The following DZANK1 variants were observed in gnomAD, a reference collection of about 807,000 sequenced individuals.
DZANK1 encodes double zinc ribbon and ankyrin repeat-containing protein 1.
A neutral mutation model predicts 94.5 loss-of-function variants in DZANK1; 91 were observed. That is an observed-to-expected ratio of 0.96 (90% confidence interval 0.81 to 1.15). DZANK1 has a LOEUF of 1.15. Among genes scored for constraint, DZANK1 ranks in the 50% most tolerant of loss-of-function variants. The pLI is 0.00. For missense variants in DZANK1, 903 were observed against 916.4 expected (o/e 0.99, Z 0.19); for synonymous variants, 312 against 325.3 (o/e 0.96, Z 0.44).
chr20:18,383,938 C>T (rs2048328379), exon 21 of DZANK1: 1 of 154,670 alleles, frequency 6.5e-6, no homozygotes, highest in Non-Finnish European at 1.4e-5. Context: ...CCATTTAGTA[C>T]TGATGGCTTA....
chr20:18,427,123 G>C (rs1400467135), exon 10 of DZANK1: 2 of 1,612,842 alleles, frequency 1.2e-6, no homozygotes, highest in African/African-American at 2.7e-5. Flanking sequence ...AGGTGAGCAG[G>C]ATTTCCTGTA....
exon 19 of DZANK1, chr20:18,389,758 T>G: frequency 6.2e-7 from 1 of 1,614,024 alleles, no homozygotes; most frequent in East Asian, 2.2e-5. Context: ...AATCGCTTCA[T>G]GGTGCTTATT....
chr20:18,406,884 C>T (rs2056991716), intron 13 of DZANK1, among the ~76,000 whole-genome samples: 1 of 152,166 alleles, frequency 6.6e-6, no homozygotes, highest in Non-Finnish European at 1.5e-5. Context: ...CTTTGGGCTT[C>T]AAGCAAACAT....
At chr20:18,395,486 C>T (rs1337374659) in intron 15 of DZANK1, among the ~76,000 whole-genome samples, 1 of 152,188 alleles carries the variant, frequency 6.6e-6, no homozygotes, top group Non-Finnish European at 1.5e-5. Flanking sequence ...TTCCCACTAG[C>T]TGGCCAGGTT....
chr20:18,407,991 GAA>G (rs2057044017), intron 13 of DZANK1, among the ~76,000 whole-genome samples: 1 of 152,208 alleles, frequency 6.6e-6, no homozygotes, highest in African/African-American at 2.4e-5. Flanking sequence ...AGGAGGTAGA[GAA>G]AGAAATAGGA....
intron 14 of DZANK1, among the ~76,000 whole-genome samples, chr20:18,397,563 C>G (rs2056414032): frequency 6.6e-6 from 1 of 152,184 alleles, no homozygotes; most frequent in African/African-American, 2.4e-5. Context: ...TTCTGACTAT[C>G]AACTGCGGTG....
At chr20:18,392,481 G>A (rs994236507) in intron 17 of DZANK1, among the ~76,000 whole-genome samples, 45 of 152,280 alleles carry the variant, frequency 3.0e-4, no homozygotes, top group African/African-American at 9.6e-4. Context: ...ACACATGGAG[G>A]GAAGCACACG....
At chr20:18,445,920 AT>A (rs1224458760) in intron 7 of DZANK1, among the ~76,000 whole-genome samples, 2 of 150,012 alleles carry the variant, frequency 1.3e-5, no homozygotes. Context: ...ACCATGCCTA[AT>A]TTTTTTTTGG....
intron 13 of DZANK1, among the ~76,000 whole-genome samples, chr20:18,404,669 A>G (rs2056864494): frequency 6.6e-6 from 1 of 152,234 alleles, no homozygotes; most frequent in Non-Finnish European, 1.5e-5. Context: ...ACTGCCTGTG[A>G]TAGCAACTAG....
intron 13 of DZANK1, among the ~76,000 whole-genome samples, chr20:18,402,620 C>T (rs556292778): frequency 2.0e-5 from 3 of 152,122 alleles, no homozygotes; most frequent in African/African-American, 7.2e-5. Context: ...AAGGGCTGAA[C>T]AGCACACTTG....
rs1374720813 is a variant in DZANK1 at position 18,447,203 on chromosome 20, T to C, written c.629+1781A>G. On this transcript the variant is annotated intron_variant, in intron 7 of 20. Transcript: ENST00000262547. The stretch of plus-strand genomic sequence containing the variant: ...AAAATTTCCTCAACTTGGCTGGGTG[T>C]GGTGGCTCACGCCTATAATCCCACT... Among the ~76,000 whole-genome samples, 6 of 152,286 alleles carry C rather than the reference T, an allele frequency of 3.9e-5. No individual in the cohort carries two copies. The East Asian group carries it at 7.8e-4, about 20-fold the overall frequency.
At position 18,412,630 on chromosome 20, in the gene DZANK1, G is replaced by T. The variant is rs1309882530; in HGVS notation, c.1432+16C>A. 3 of 1,609,676 alleles carry T rather than the reference G, an allele frequency of 1.9e-6. No homozygotes were observed. Among genetic ancestry groups the T allele is most frequent in the Non-Finnish European group, 2.5e-6 (3 of 1,177,404 alleles). ...AATTCCCTCCCGACCAGAAGAAAGG[G>T]CATCCTCCCCCTTACCTCTTCCTGG... is the stretch of plus-strand genomic sequence containing the variant. On this transcript the variant is annotated intron_variant, in intron 13 of 20. Coordinates refer to ENST00000262547, the Ensembl canonical transcript of DZANK1.
At chr20:18,412,718 C>T (rs1229736874) in exon 13 of DZANK1, 3 of 1,613,690 alleles carry the variant, frequency 1.9e-6, no homozygotes, top group East Asian at 4.5e-5. Flanking sequence ...TTTTGAGAGG[C>T]TAGTTCCTGT....
At chr20:18,443,686 G>A (rs1009910204) in intron 7 of DZANK1, among the ~76,000 whole-genome samples, 1 of 152,140 alleles carries the variant, frequency 6.6e-6, no homozygotes, top group Non-Finnish European at 1.5e-5. Context: ...CCCTTTCTGC[G>A]TAGGCCAAGT....
intron 4 of DZANK1, chr20:18,454,083 T>G (rs1459294663): frequency 1.8e-6 from 1 of 555,722 alleles, no homozygotes; most frequent in African/African-American, 1.8e-5. Context: ...GAGCAGCACA[T>G]GCAGGCAGGA....
intron 19 of DZANK1, among the ~76,000 whole-genome samples, chr20:18,387,887 C>A (rs544183051): frequency 6.6e-6 from 1 of 152,316 alleles, no homozygotes; most frequent in South Asian, 2.1e-4. Context: ...CATTTTAATT[C>A]TTGTTTGCTA....
At chr20:18,412,116 G>A (rs2057285674) in intron 13 of DZANK1, among the ~76,000 whole-genome samples, 4 of 152,070 alleles carry the variant, frequency 2.6e-5, no homozygotes, top group African/African-American at 9.7e-5. Context: ...TGGGACCACA[G>A]GCATGCACCA....
chr20:18,442,690 C>T (rs1260566084), intron 8 of DZANK1, among the ~76,000 whole-genome samples: 1 of 152,154 alleles, frequency 6.6e-6, no homozygotes, highest in Admixed American at 6.5e-5. Flanking sequence ...TAACTATCTT[C>T]TTAAAAATTG....
chr20:18,452,298 T>G (rs2148753988), intron 6 of DZANK1, among the ~76,000 whole-genome samples: 1 of 152,310 alleles, frequency 6.6e-6, no homozygotes. Flanking sequence ...TCCCACGTGA[T>G]GCTGATGCTG....
Sources: allele counts gnomAD v4.1 joint callset (sites outside exome capture counted in the v4.1 genomes callset), GRCh38; gene constraint gnomAD v4.1.1; transcripts MANE v1.5; gene names NCBI Gene and HGNC (gene_info 2026-07-23, HGNC 2026-07-21).